Variants in PEBP4 observed in about 807,000 individuals in gnomAD.
PEBP4 encodes the protein phosphatidylethanolamine-binding protein 4.
In PEBP4, 22 loss-of-function variants were observed where a neutral mutation model predicts 23.9. The observed-to-expected ratio is 0.92, with a 90% CI of 0.66 to 1.31. The LOEUF (loss-of-function observed/expected upper bound fraction) is 1.31. PEBP4 is among the 40% of genes most tolerant of loss of function. The probability of loss-of-function intolerance (pLI) is 0.00; values close to 1 mark genes in which losing one functional copy is unlikely to be tolerated. For synonymous variants in PEBP4, 112 were observed against 99.3 expected (o/e 1.13, Z -0.76); for missense variants, 324 against 281.7 (o/e 1.15, Z -1.07).
chr8:22,820,598 C>T (rs1188514872), intron 3 of PEBP4, among the ~76,000 whole-genome samples: 2 of 152,098 alleles, frequency 1.3e-5, no homozygotes, highest in African/African-American at 2.4e-5. Context: ...ATCTCTCTAC[C>T]CCAGGAGTCC....
At chr8:22,852,920 T>C (rs1807576563) in intron 3 of PEBP4, among the ~76,000 whole-genome samples, 1 of 152,202 alleles carries the variant, frequency 6.6e-6, no homozygotes, top group Non-Finnish European at 1.5e-5. Flanking sequence ...CCAGGAAAAC[T>C]GGAGCAAGGC....
intron 4 of PEBP4, among the ~76,000 whole-genome samples, chr8:22,743,040 G>A (rs900688126): frequency 2.6e-5 from 4 of 152,170 alleles, no homozygotes; most frequent in Admixed American, 1.3e-4. Context: ...TGGGGCAGGC[G>A]GTGAAGGGCT....
intron 6 of PEBP4, among the ~76,000 whole-genome samples, chr8:22,722,370 G>A (rs540395769): frequency 9.8e-5 from 15 of 152,298 alleles, no homozygotes; most frequent in South Asian, 6.2e-4. Flanking sequence ...GAGGCCCAGC[G>A]AGGTTCATTG....
At chr8:22,780,588 G>T (rs1045172253) in intron 4 of PEBP4, among the ~76,000 whole-genome samples, 2 of 152,142 alleles carry the variant, frequency 1.3e-5, no homozygotes, top group African/African-American at 2.4e-5. Context: ...CCCACCAGAG[G>T]ATGCCTCCTG....
intron 4 of PEBP4, among the ~76,000 whole-genome samples, chr8:22,816,859 G>A (rs773608961): frequency 6.6e-6 from 1 of 152,152 alleles, no homozygotes; most frequent in Non-Finnish European, 1.5e-5. Context: ...TGAACAAAAG[G>A]ATTCAATAAT....
chr8:22,927,492 A>T (rs1359919992), intron 2 of PEBP4, 92 bp downstream of exon 2: 3 of 1,430,248 alleles, frequency 2.1e-6, no homozygotes, highest in East Asian at 5.0e-5. Flanking sequence ...GGCTCAGGAG[A>T]TGGTGCTTCT....
intron 3 of PEBP4, among the ~76,000 whole-genome samples, chr8:22,909,532 G>C (rs1422295569): frequency 6.6e-6 from 1 of 152,186 alleles, no homozygotes; most frequent in Non-Finnish European, 1.5e-5. Flanking sequence ...GACAGAACCA[G>C]AGGAGTCTCA....
intron 4 of PEBP4, among the ~76,000 whole-genome samples, chr8:22,765,116 T>TTCCTTC (rs560144016): frequency 7.5e-4 from 109 of 145,008 alleles, no homozygotes; most frequent in African/African-American, 2.6e-3. Flanking sequence ...TTCCTTTATT[T>TTCCTTC]CTTCCTTCCT....
At chr8:22,851,179 G>T (rs1344170506) in intron 3 of PEBP4, among the ~76,000 whole-genome samples, 5 of 152,188 alleles carry the variant, frequency 3.3e-5, no homozygotes, top group African/African-American at 1.2e-4. Context: ...CATTTGGCTT[G>T]CATGGTGCCT....
At chr8:22,898,389 CCCAAAAAAAAAAAAAA>C (rs1808634512) in intron 3 of PEBP4, among the ~76,000 whole-genome samples, 17 of 86,684 alleles carry the variant, frequency 2.0e-4, no homozygotes, top group African/African-American at 6.2e-4. Flanking sequence ...AAGACTCCAC[CCCAAAAAAAAAAAAAA>C]AAAAAAAAAA....
Position 22,826,113 on chromosome 8 carries a change from C to T in PEBP4, c.259-8378G>A, listed in dbSNP as rs140924653. On this transcript the variant is annotated intron_variant, in intron 3 of 6. Coordinates refer to ENST00000256404, the MANE Select transcript of PEBP4 (RefSeq NM_144962.3). ...AGGAAATTCTAGAAAGCTTGGTGTA[C>T]AATACCGTGTCCATAGTTAACAATA... Among the ~76,000 whole-genome samples, 321 of 152,250 alleles carry T rather than the reference C, an allele frequency of 2.1e-3. 1 individual carries two copies. The highest frequency in any genetic ancestry group is 7.5e-3 in the African/African-American group (311 of 41,524).
chr8:22,796,251 AGTGTGC>A (rs1299445924), intron 4 of PEBP4, among the ~76,000 whole-genome samples: 1 of 109,430 alleles, frequency 9.1e-6, no homozygotes, highest in African/African-American at 3.6e-5. Context: ...GCAATTCTCA[AGTGTGC>A]GTGTGTGTGT....
chr8:22,819,075 T>A (rs984162773), intron 3 of PEBP4, among the ~76,000 whole-genome samples: 8 of 152,040 alleles, frequency 5.3e-5, no homozygotes, highest in African/African-American at 1.9e-4. Context: ...AGAGGAGAGA[T>A]CAGGACTGGG....
intron 4 of PEBP4, among the ~76,000 whole-genome samples, chr8:22,785,240 G>A (rs1163480289): frequency 6.6e-6 from 1 of 152,130 alleles, no homozygotes; most frequent in East Asian, 1.9e-4. Flanking sequence ...ATTCTATTTT[G>A]GAGGAAAAAA....
intron 3 of PEBP4, among the ~76,000 whole-genome samples, chr8:22,875,014 C>T (rs1808090943): frequency 6.6e-6 from 1 of 152,022 alleles, no homozygotes. Flanking sequence ...ATCCTGTTTT[C>T]TGGGTGGGGT....
At chr8:22,824,096 T>C (rs1806917724) in intron 3 of PEBP4, among the ~76,000 whole-genome samples, 1 of 152,200 alleles carries the variant, frequency 6.6e-6, no homozygotes, top group Non-Finnish European at 1.5e-5. Flanking sequence ...CACATGTACA[T>C]GACTCTATGG....
At chr8:22,817,869 C>A in intron 3 of PEBP4, 134 bp from the exon 4 acceptor site, 1 of 742,754 alleles carries the variant, frequency 1.3e-6, no homozygotes, top group African/African-American at 1.7e-5. Flanking sequence ...CCAGTTTATC[C>A]TTGCTCTCGT....
In PEBP4 at chr8:22,865,610, C is replaced by T. The variant is rs1371967641; in HGVS notation, c.259-47875G>A. Among the ~76,000 whole-genome samples the T allele has an allele frequency of 6.6e-6, 1 of 152,160 alleles. No homozygotes were observed. The highest frequency in any genetic ancestry group is 1.5e-5 in the Non-Finnish European group (1 of 68,004). On this transcript the variant is annotated intron_variant, in intron 3 of 6. Transcript: ENST00000256404. The surrounding 1 kb of genome is among the most constrained non-coding windows in gnomAD (Gnocchi z 6.9). ...CCGCCCGGGCGCACGCGGCCCCCCG[C>T]CCCCGCCCCATCCTGCTCAGAAAAG...
intron 4 of PEBP4, among the ~76,000 whole-genome samples, chr8:22,759,496 C>T (rs1449654238): frequency 6.6e-6 from 1 of 152,252 alleles, no homozygotes; most frequent in Admixed American, 6.5e-5. Flanking sequence ...CTCAACAAGC[C>T]TCTGCCACCA....
Sources: allele counts gnomAD v4.1 joint callset (sites outside exome capture counted in the v4.1 genomes callset), GRCh38; gene constraint gnomAD v4.1.1; non-coding constraint Gnocchi (gnomAD v3.1); transcripts MANE v1.5; gene names NCBI Gene and HGNC (gene_info 2026-07-23, HGNC 2026-07-21).